Variants in CCDC158 observed in about 807,000 individuals in gnomAD.
The protein encoded by CCDC158 is coiled-coil domain-containing protein 158.
A neutral mutation model predicts 138.6 loss-of-function variants in CCDC158; 116 were observed. That is an observed-to-expected ratio of 0.84 (90% CI 0.72 to 0.98). CCDC158 has a LOEUF of 0.98. CCDC158 is among the 50% of genes least tolerant of loss of function. The pLI is 0.00. For missense variants in CCDC158, 1,265 were observed against 1,306.1 expected, an observed-to-expected ratio of 0.97 and a Z score of 0.48; for synonymous variants, 436 against 442.4, an observed-to-expected ratio of 0.99 and a Z score of 0.18.
intron 14 of CCDC158, among the ~76,000 whole-genome samples, chr4:76,355,798 CGTGTGTGTGT>C (rs71212417): frequency 1.4e-5 from 2 of 145,494 alleles, no homozygotes; most frequent in Admixed American, 6.9e-5. Flanking sequence ...AATATATGTA[CGTGTGTGTGT>C]GTGTGTGTGT....
chr4:76,367,246 C>T lies in CCDC158; in HGVS notation c.1830+48G>A, dbSNP rs775697891. On this transcript the variant is annotated intron_variant, in intron 12 of 24. Coordinates refer to ENST00000682701, the MANE Select transcript of CCDC158 (RefSeq NM_001394954.1). The stretch of plus-strand genomic sequence containing the variant: ...CACTTTTCAGTACAGGTCATACCTG[C>T]TAATAAATGATATTTCAGAAGTTAA... The T allele has an allele frequency of 1.9e-6, 3 of 1,571,548 alleles. No homozygotes were observed. In the East Asian group the frequency reaches 6.7e-5, roughly 35 times the overall value.
chr4:76,402,695 G>A (rs1255514583), intron 3 of CCDC158, among the ~76,000 whole-genome samples: 1 of 152,136 alleles, frequency 6.6e-6, no homozygotes, highest in Non-Finnish European at 1.5e-5. Context: ...ATGGGGGCCT[G>A]AACCAGAACA....
chr4:76,333,907 A>T, intron 19 of CCDC158, 103 bp downstream of exon 19: 1 of 767,760 alleles, frequency 1.3e-6, no homozygotes, highest in Non-Finnish European at 1.9e-6. Context: ...AGATACTTTT[A>T]AAGTCATTTA....
At chr4:76,412,997 T>G (rs1483531167) in intron 1 of CCDC158, among the ~76,000 whole-genome samples, 1 of 152,208 alleles carries the variant, frequency 6.6e-6, no homozygotes, top group Admixed American at 6.5e-5. Flanking sequence ...TCTGACCATT[T>G]TAACTGCTCT....
At chr4:76,407,802 G>A (rs1237390000) in intron 2 of CCDC158, among the ~76,000 whole-genome samples, 1 of 152,152 alleles carries the variant, frequency 6.6e-6, no homozygotes, top group African/African-American at 2.4e-5. Context: ...ATTGAAAATA[G>A]GAGTTAGAGA....
At chr4:76,323,269 C>A (rs374833359) in intron 24 of CCDC158, 33 bp downstream of exon 24, 3 of 1,458,444 alleles carry the variant, frequency 2.1e-6, no homozygotes, top group African/African-American at 1.4e-5. Context: ...TTCTCATGAG[C>A]GAGGAAGATC....
intron 22 of CCDC158, among the ~76,000 whole-genome samples, chr4:76,327,607 T>A (rs1171904271): frequency 6.6e-6 from 1 of 152,192 alleles, no homozygotes; most frequent in Non-Finnish European, 1.5e-5. Flanking sequence ...GACATTATGA[T>A]AGCTACAACA....
intron 18 of CCDC158, among the ~76,000 whole-genome samples, chr4:76,349,814 G>C (rs1197899079): frequency 6.6e-6 from 1 of 152,114 alleles, no homozygotes; most frequent in Non-Finnish European, 1.5e-5. Context: ...AAATCTAATA[G>C]ATTTTGGGTA....
chr4:76,334,011 C>T lies in CCDC158; in HGVS notation c.2821G>A (p.Val941Ile). ...RTSLGALYVA[V>I]EDRVRDCITE... is the part of the protein sequence containing the mutation. The stretch of plus-strand genomic sequence containing the variant: ...CATTCTGTGTGCACACAGCCTTACA[C>T]AGCCACATACAAGGCTCCCAGAGAT... Residue 941 changes from valine (V) to isoleucine (I), a missense_variant and splice_region_variant, in exon 19 of 25, where the codon GTA becomes ATA. Physicochemically the swap from Val to Ile is conservative, Grantham distance 29 (BLOSUM62 3). Transcript: ENST00000682701. 1 of 1,604,946 alleles carries T rather than the reference C, an allele frequency of 6.2e-7. No homozygotes were observed. The highest frequency in any genetic ancestry group is 8.5e-7 in the Non-Finnish European group (1 of 1,174,592).
At chr4:76,343,344 C>CATAA (rs1411337600) in intron 18 of CCDC158, among the ~76,000 whole-genome samples, 12 of 152,152 alleles carry the variant, frequency 7.9e-5, no homozygotes, top group Non-Finnish European at 4.4e-5. Context: ...GACAACCTTA[C>CATAA]ATAAAGCTTT....
chr4:76,371,162 T>G (rs1027387097), intron 10 of CCDC158, among the ~76,000 whole-genome samples: 4 of 152,226 alleles, frequency 2.6e-5, no homozygotes, highest in Admixed American at 6.5e-5. Context: ...GAATATGGTA[T>G]CTACTTGAAA....
rs759361141 is a variant in CCDC158 at position 76,369,542 on chromosome 4, T to C, written c.1231A>G (p.Ser411Gly). 6.2e-7 allele frequency: 1 copy of C among 1,614,196 alleles called. No homozygotes were observed. The highest frequency in any genetic ancestry group is 8.5e-7 in the Non-Finnish European group (1 of 1,180,006). Residue 411 changes from serine to glycine, a missense_variant, in exon 11 of 25, where the codon AGC (serine) becomes GGC (glycine). Coordinates refer to ENST00000682701, the MANE Select transcript of CCDC158 (RefSeq NM_001394954.1). ...KRLWDRDTGN[S>G]ITIDHLRREL... ...CGCCGCAGGTGGTCAATGGTGATGC[T>C]GTTGCCTGTGTCTCGGTCCCACAGA...
intron 2 of CCDC158, among the ~76,000 whole-genome samples, chr4:76,410,054 G>A (rs1448695100): frequency 6.6e-6 from 1 of 152,066 alleles, no homozygotes; most frequent in Non-Finnish European, 1.5e-5. Flanking sequence ...CCTTGGAGTC[G>A]AAAGGCCCTG....
At chr4:76,392,955 A>T (rs928120646) in intron 4 of CCDC158, among the ~76,000 whole-genome samples, 1 of 152,098 alleles carries the variant, frequency 6.6e-6, no homozygotes, top group Non-Finnish European at 1.5e-5. Context: ...AATGAAAACT[A>T]TAAAATGCTG....
intron 18 of CCDC158, among the ~76,000 whole-genome samples, chr4:76,340,308 G>A (rs767717779): frequency 6.6e-6 from 1 of 152,196 alleles, no homozygotes; most frequent in East Asian, 1.9e-4. Flanking sequence ...GCTTTCAAAA[G>A]AGTTTAAGCA....
chr4:76,416,147 CCTCT>C (rs113548172), intron 1 of CCDC158, among the ~76,000 whole-genome samples: 1 of 151,190 alleles, frequency 6.6e-6, no homozygotes, highest in Non-Finnish European at 1.5e-5. Context: ...CTCTCTCTCT[CCTCT>C]CTCTCTCTGC....
At chr4:76,360,861 G>A (rs1724065406) in intron 13 of CCDC158, among the ~76,000 whole-genome samples, 4 of 152,188 alleles carry the variant, frequency 2.6e-5, no homozygotes, top group Admixed American at 2.6e-4. Context: ...GGGACCATTG[G>A]GAAGGCATGA....
At chr4:76,333,734 A>G (rs1489605532) in intron 19 of CCDC158, among the ~76,000 whole-genome samples, 2 of 152,238 alleles carry the variant, frequency 1.3e-5, no homozygotes, top group Admixed American at 6.5e-5. Flanking sequence ...GATTATGGAT[A>G]TAAAATCTTT....
Position 76,367,539 on chromosome 4 carries a change from T to G in CCDC158, c.1585A>C (p.Lys529Gln). Residue 529 changes from lysine to glutamine, a missense_variant, in exon 12 of 25, where the codon AAA (lysine) becomes CAA (glutamine). Transcript: ENST00000682701. ...TTCAAGTGTTGCAGCTCCTGCAATT[T>G]CAAGTCCACCCGGGAGCGGAGCTTT... The part of the protein sequence containing the change: ...ITKLRSRVDL[K>Q]LQELQHLKNE... The G allele has an allele frequency of 6.2e-7, 1 of 1,614,076 alleles. No homozygotes were observed. Among genetic ancestry groups the G allele is most frequent in the Non-Finnish European group, 8.5e-7 (1 of 1,180,044 alleles).
Sources: allele counts gnomAD v4.1 joint callset (sites outside exome capture counted in the v4.1 genomes callset), GRCh38; gene constraint gnomAD v4.1.1; transcripts MANE v1.5; gene names NCBI Gene and HGNC (gene_info 2026-07-23, HGNC 2026-07-21).